Variants in GRIN2B observed in about 807,000 individuals in gnomAD.
The protein encoded by GRIN2B is glutamate receptor ionotropic, NMDA 2B.
In GRIN2B, 5 loss-of-function variants were observed where a neutral mutation model predicts 114.5. That is an observed-to-expected ratio of 0.04 (90% CI 0.02 to 0.09). The LOEUF (loss-of-function observed/expected upper bound fraction) is 0.09, where lower values mean the gene tolerates loss of function less well. Ranked by LOEUF, GRIN2B falls within the 10% of genes least tolerant of loss-of-function variation. The pLI is 1.00. For synonymous variants in GRIN2B, 787 were observed against 745.1 expected (o/e 1.06, Z -0.92); for missense variants, 1,108 against 1,943.5 (o/e 0.57, Z 8.08).
intron 2 of GRIN2B, among the ~76,000 whole-genome samples, chr12:13,895,236 C>T (rs1214723695): frequency 2.6e-5 from 4 of 152,234 alleles, no homozygotes; most frequent in South Asian, 4.1e-4. Flanking sequence ...GTGGCAAAGC[C>T]GGTCTGAGAG....
At chr12:13,851,854 G>T (rs1210678430) in intron 3 of GRIN2B, among the ~76,000 whole-genome samples, 3 of 151,262 alleles carry the variant, frequency 2.0e-5, no homozygotes, top group Non-Finnish European at 4.4e-5. Flanking sequence ...GATGGAAGGG[G>T]TATGCAGACA....
At chr12:13,954,656 A>T (rs1282462613) in intron 2 of GRIN2B, among the ~76,000 whole-genome samples, 3 of 151,508 alleles carry the variant, frequency 2.0e-5, no homozygotes, top group Non-Finnish European at 4.4e-5. Context: ...CCATAAATAT[A>T]AAAAAATTAC....
chr12:13,918,651 G>A (rs1253111229), intron 2 of GRIN2B, among the ~76,000 whole-genome samples: 1 of 152,170 alleles, frequency 6.6e-6, no homozygotes, highest in Non-Finnish European at 1.5e-5. Context: ...TCTGCAATTA[G>A]ACATTGGTTA....
At chr12:13,930,232 AT>A (rs917249683) in intron 2 of GRIN2B, among the ~76,000 whole-genome samples, 6 of 152,184 alleles carry the variant, frequency 3.9e-5, no homozygotes, top group African/African-American at 1.4e-4. Context: ...TATTAACCTT[AT>A]TTTTTAATAG....
chr12:13,597,869 T>C (rs994199696), intron 10 of GRIN2B, among the ~76,000 whole-genome samples: 5 of 152,192 alleles, frequency 3.3e-5, no homozygotes, highest in African/African-American at 1.2e-4. Flanking sequence ...GCACATAATA[T>C]ATGTTCATTA....
chr12:13,791,191 C>T (rs997198609), intron 3 of GRIN2B, among the ~76,000 whole-genome samples: 8 of 152,212 alleles, frequency 5.3e-5, no homozygotes, highest in Admixed American at 2.0e-4. Flanking sequence ...TGGCGAGGCG[C>T]GGTGGCTCAC....
intron 2 of GRIN2B, among the ~76,000 whole-genome samples, chr12:13,945,709 A>C (rs1490612359): frequency 1.3e-5 from 2 of 152,132 alleles, no homozygotes; most frequent in African/African-American, 4.8e-5. Flanking sequence ...CAACAGTACA[A>C]AGGCAGTCAC....
chr12:13,759,001 T>TTTTTTTTTTTTA (rs1863629352), intron 3 of GRIN2B, among the ~76,000 whole-genome samples: 1 of 95,390 alleles, frequency 1.0e-5, no homozygotes, highest in Non-Finnish European at 2.4e-5. Context: ...TAGTTCAATT[T>TTTTTTTTTTTTA]TTTTTTTTTT....
In GRIN2B at chr12:13,615,385, C is replaced by T. The variant is rs975184332; in HGVS notation, c.1500+108G>A. ...TAGTGGGAACAATACATCTTATTTG[C>T]CATTTTATATTTTCTGAAATGCATA... On this transcript the variant is annotated intron_variant, in intron 7 of 13. Coordinates refer to ENST00000609686, the MANE Select transcript of GRIN2B (RefSeq NM_000834.5). This position sits in a 1 kb window ranked among gnomAD's most constrained non-coding sequence, Gnocchi z 5.8. 1 of 1,417,314 alleles carries T rather than the reference C, an allele frequency of 7.1e-7. No individual in the cohort carries two copies. 87.8% of individuals were successfully genotyped at this position (1,417,314 alleles called of 1,614,324 possible). A position where few individuals can be genotyped will look rare whatever the true frequency, so the allele number is the denominator to read the frequency against.
At chr12:13,603,499 A>G (rs1949192692) in intron 10 of GRIN2B, among the ~76,000 whole-genome samples, 1 of 152,142 alleles carries the variant, frequency 6.6e-6, no homozygotes. Context: ...ACAAATAAAG[A>G]TATTAATAGC....
intron 5 of GRIN2B, among the ~76,000 whole-genome samples, chr12:13,658,420 T>C (rs1394347665): frequency 2.0e-5 from 3 of 151,972 alleles, no homozygotes; most frequent in Non-Finnish European, 4.4e-5. Context: ...TATCGTTACA[T>C]AAAAGAGAAA....
intron 4 of GRIN2B, among the ~76,000 whole-genome samples, chr12:13,730,080 G>A (rs2216128): frequency 0.81 from 122,862 of 151,146 alleles, 50,219 homozygotes; most frequent in African/African-American, 0.89. Flanking sequence ...TCCTCCTATC[G>A]TGAAGCATCC....
At chr12:13,766,678 C>A (rs1863796091) in intron 3 of GRIN2B, among the ~76,000 whole-genome samples, 1 of 152,182 alleles carries the variant, frequency 6.6e-6, no homozygotes, top group East Asian at 1.9e-4. Flanking sequence ...CAGGACTTGT[C>A]CTTTATGAAG....
Position 13,744,527 on chromosome 12 carries a change from G to A in GRIN2B, c.1010+8790C>T, listed in dbSNP as rs2268122. On this transcript the variant is annotated intron_variant, in intron 4 of 13. Coordinates refer to ENST00000609686, the MANE Select transcript of GRIN2B (RefSeq NM_000834.5). ...TGAAAGCTGGCTAAAGAAGAGAGGGGCAGCAAAAGATCAATGAACAAAACA... is the reference window on the plus strand; with the variant it reads ...TGAAAGCTGGCTAAAGAAGAGAGGGACAGCAAAAGATCAATGAACAAAACA... Among the ~76,000 whole-genome samples the A allele has an allele frequency of 7.1e-3, 1,073 of 152,146 alleles. 14 individuals carry two copies. Among genetic ancestry groups the A allele is most frequent in the African/African-American group, 0.024 (976 of 41,520 alleles).
chr12:13,940,837 C>T (rs185085173), intron 2 of GRIN2B, among the ~76,000 whole-genome samples: 3 of 152,222 alleles, frequency 2.0e-5, no homozygotes, highest in Admixed American at 6.5e-5. Flanking sequence ...TCTCTCCCTC[C>T]CTGCCCCACC....
At chr12:13,917,957 T>C (rs1866760986) in intron 2 of GRIN2B, among the ~76,000 whole-genome samples, 2 of 152,118 alleles carry the variant, frequency 1.3e-5, no homozygotes, top group African/African-American at 4.8e-5. Context: ...TCTTTGGACA[T>C]ATTGGGTGGA....
At chr12:13,855,329 G>C (rs1865642363) in intron 3 of GRIN2B, among the ~76,000 whole-genome samples, 1 of 152,094 alleles carries the variant, frequency 6.6e-6, no homozygotes, top group African/African-American at 2.4e-5. Context: ...AGAAGTGAAG[G>C]AGTTTTCTAA....
At chr12:13,693,170 CAGAG>C (rs1487617709) in intron 4 of GRIN2B, among the ~76,000 whole-genome samples, 2 of 151,872 alleles carry the variant, frequency 1.3e-5, no homozygotes, top group Non-Finnish European at 2.9e-5. Context: ...TTTTTGTGAC[CAGAG>C]AGATACTATA....
intron 4 of GRIN2B, among the ~76,000 whole-genome samples, chr12:13,739,836 A>T (rs763182422): frequency 5.3e-5 from 8 of 152,180 alleles, no homozygotes; most frequent in Non-Finnish European, 1.2e-4. Flanking sequence ...TGCTATGAAG[A>T]GGAATCACAT....
Sources: gnomAD v4.1 joint callset for allele counts (sites outside exome capture counted in the v4.1 genomes callset) on GRCh38, gnomAD v4.1.1 for gene constraint, Gnocchi (gnomAD v3.1) non-coding constraint, MANE v1.5 for transcripts, NCBI Gene and HGNC (gene_info 2026-07-23, HGNC 2026-07-21) for gene names.